FANCM: variants seen among roughly 807,000 people sequenced by gnomAD.
The protein encoded by FANCM is Fanconi anemia group M protein.
In FANCM, 140 loss-of-function variants were observed where a neutral mutation model predicts 199.5. The ratio of observed to expected loss-of-function variants is 0.70; its 90% CI spans 0.61 to 0.81. The LOEUF is 0.81. Ranked by LOEUF, FANCM falls within the 30% of genes least tolerant of loss-of-function variation. FANCM has a pLI of 0.00. For missense variants in FANCM, 2,410 were observed against 2,421.4 expected (o/e 1.00, Z 0.10); for synonymous variants, 840 against 836.8 (o/e 1.00, Z -0.07).
intron 2 of FANCM, among the ~76,000 whole-genome samples, chr14:45,138,588 T>C (rs1473591689): frequency 6.6e-6 from 1 of 152,140 alleles, no homozygotes; most frequent in Admixed American, 6.6e-5. Context: ...GGCAACATAG[T>C]GAGACCCTGT....
rs1594798282 is a variant in FANCM, at chr14:45,175,615, C to G, written c.2861C>G (p.Ser954Cys). Reference protein sequence around the residue: ...SGYNSFNDEKSVSSNLFLPFE... With the variant: ...SGYNSFNDEKCVSSNLFLPFE... ...TATAACAGTTTCAATGATGAAAAATCTGTTTCATCTAACTTATTTCTTCCA... is the reference window on the plus strand; with the variant it reads ...TATAACAGTTTCAATGATGAAAAATGTGTTTCATCTAACTTATTTCTTCCA... Residue 954 changes from serine (S) to cysteine (C), a missense_variant, in exon 14 of 23, where the codon TCT becomes TGT. Ser to Cys is a moderately radical substitution (Grantham distance 112). Transcript: ENST00000267430. 2 of 1,613,314 alleles carry G rather than the reference C, an allele frequency of 1.2e-6. No homozygotes were observed. Among genetic ancestry groups the G allele is most frequent in the African/African-American group, 2.7e-5 (2 of 75,024 alleles).
chr14:45,188,954 A>G lies in FANCM; in HGVS notation c.4932A>G (p.Arg1644=). 6.2e-7 allele frequency: 1 copy of G among 1,614,062 alleles called. No individual in the cohort carries two copies. Among genetic ancestry groups the G allele is most frequent in the Non-Finnish European group, 8.5e-7 (1 of 1,179,966 alleles). The part of the protein sequence containing the change: ...CFANSKKYKT[R]RAVMLKEMME... The stretch of plus-strand genomic sequence containing the variant: ...CAAATAGTAAAAAGTATAAAACTCG[A>G]CGTGCAGTAATGCTAAAAGAAATGA... The change falls in exon 20 of 23, where the codon CGA becomes CGG. Residue 1644 remains arginine, a synonymous_variant. Coordinates refer to ENST00000267430, the MANE Select transcript of FANCM (RefSeq NM_020937.4).
chr14:45,198,523 G>C, intron 21 of FANCM, 121 bp from the exon 22 acceptor site: 1 of 601,554 alleles, frequency 1.7e-6, no homozygotes, highest in East Asian at 2.9e-5. Context: ...CTCATTAGCA[G>C]AATGTGGCAC....
chr14:45,161,468 C>G (rs953720623), intron 9 of FANCM, among the ~76,000 whole-genome samples: 17 of 151,950 alleles, frequency 1.1e-4, no homozygotes, highest in Non-Finnish European at 2.2e-4. Flanking sequence ...AGAGGATGGT[C>G]TTAGCTCGGT....
chr14:45,181,689 G>T lies in FANCM; in HGVS notation c.4370G>T (p.Arg1457Ile). The T allele has an allele frequency of 1.2e-6, 2 of 1,608,834 alleles. No individual in the cohort carries two copies. The highest frequency in any genetic ancestry group is 1.7e-6 in the Non-Finnish European group (2 of 1,175,954). Residue 1457 changes from arginine (R) to isoleucine (I), a missense_variant, in exon 16 of 23, where the codon AGA becomes ATA. Coordinates refer to ENST00000267430, the MANE Select transcript of FANCM (RefSeq NM_020937.4). ...DSPLHAVKKRRFPINRSELSS... is the reference protein window; with the variant it reads ...DSPLHAVKKRIFPINRSELSS... ...CCACTTCATGCTGTCAAAAAGCGCA[G>T]ATTTCCTATAAACAGAGTAAGTAAA...
chr14:45,175,926 A>G lies in FANCM; in HGVS notation c.3172A>G (p.Asn1058Asp). The change falls in exon 14 of 23, where the codon AAT (asparagine) becomes GAT (aspartate). Residue 1058 changes from asparagine to aspartate, a missense_variant. Asn to Asp is a conservative substitution (Grantham distance 23). Coordinates refer to ENST00000267430, the MANE Select transcript of FANCM (RefSeq NM_020937.4). ...AGAATTGAATTCACTTAAATGTATA[A>G]ATTATCCATCTGAAAAAAGTTGCCT... is the stretch of plus-strand genomic sequence containing the variant. Reference protein sequence around the residue: ...NLELNSLKCINYPSEKSCLYD... With the variant: ...NLELNSLKCIDYPSEKSCLYD... 6.2e-7 allele frequency: 1 copy of G among 1,613,068 alleles called. No homozygotes were observed. Among genetic ancestry groups the G allele is most frequent in the Non-Finnish European group, 8.5e-7 (1 of 1,179,258 alleles).
Position 45,176,553 on chromosome 14 carries a change from A to C in FANCM, c.3799A>C (p.Lys1267Gln), listed in dbSNP as rs1888716067. The C allele has an allele frequency of 1.2e-6, 2 of 1,601,228 alleles. No individual in the cohort carries two copies. The highest frequency in any genetic ancestry group is 1.7e-6 in the Non-Finnish European group (2 of 1,173,490). Residue 1267 changes from lysine to glutamine, a missense_variant, in exon 14 of 23, where the codon AAG becomes CAG. Lys to Gln is a moderately conservative substitution (Grantham distance 53). Transcript: ENST00000267430. ...DDLYGRYLEIKEISDANYVSN... is the reference protein window; with the variant it reads ...DDLYGRYLEIQEISDANYVSN... ...TCTATATGGAAGGTATTTGGAAATT[A>C]AGGAGATAAGTGATGCAAATTATGT...
In FANCM at chr14:45,198,910, T is replaced by C; in HGVS notation, c.5983T>C (p.Ser1995Pro). 1 of 1,610,236 alleles carries C rather than the reference T, an allele frequency of 6.2e-7. No individual in the cohort carries two copies. The highest frequency in any genetic ancestry group is 8.5e-7 in the Non-Finnish European group (1 of 1,176,764). ...TGCATTAAATATGTGTCACCAGTTT[T>C]CATCTGTGAAAAGGATGGCTAACAG... ...ITALNMCHQFSSVKRMANSSL... is the reference protein window; with the variant it reads ...ITALNMCHQFPSVKRMANSSL... The change falls in exon 22 of 23, where the codon TCA becomes CCA. Residue 1995 changes from serine to proline, a missense_variant. Physicochemically the swap from Ser to Pro is moderately conservative, Grantham distance 74. Coordinates refer to ENST00000267430, the MANE Select transcript of FANCM (RefSeq NM_020937.4).
chr14:45,159,843 A>G (rs954607329), intron 9 of FANCM, among the ~76,000 whole-genome samples: 28 of 152,144 alleles, frequency 1.8e-4, no homozygotes, highest in African/African-American at 4.8e-4. Flanking sequence ...GAAATTTTAC[A>G]TTATTGATTT....
At chr14:45,191,479 C>G (rs1216085582) in intron 20 of FANCM, among the ~76,000 whole-genome samples, 2 of 152,170 alleles carry the variant, frequency 1.3e-5, no homozygotes, top group African/African-American at 2.4e-5. Flanking sequence ...CCTATTCACC[C>G]CCACACCACA....
intron 3 of FANCM, among the ~76,000 whole-genome samples, chr14:45,144,719 G>T (rs1886240939): frequency 1.3e-5 from 2 of 152,174 alleles, no homozygotes; most frequent in African/African-American, 2.4e-5. Context: ...CCAGGCCTGG[G>T]ACTCACCCTT....
At chr14:45,139,432 G>A (rs1378810785) in intron 2 of FANCM, among the ~76,000 whole-genome samples, 1 of 152,070 alleles carries the variant, frequency 6.6e-6, no homozygotes, top group Non-Finnish European at 1.5e-5. Context: ...TGGGAACTAT[G>A]GTATACTGAG....
intron 5 of FANCM, among the ~76,000 whole-genome samples, chr14:45,152,191 G>T (rs1240441003): frequency 6.6e-6 from 1 of 151,800 alleles, no homozygotes; most frequent in East Asian, 1.9e-4. Flanking sequence ...ACCACGCCTG[G>T]CTAATTTTTG....
chr14:45,174,365 C>T (rs1232290325), intron 13 of FANCM, among the ~76,000 whole-genome samples: 4 of 149,280 alleles, frequency 2.7e-5, no homozygotes, highest in East Asian at 2.0e-4. Flanking sequence ...CCAGCCTGGG[C>T]GACAGAGCGA....
intron 12 of FANCM, among the ~76,000 whole-genome samples, chr14:45,171,711 GTGTGTGTGTGTGCA>G (rs1202814896): frequency 6.9e-6 from 1 of 145,062 alleles, no homozygotes; most frequent in East Asian, 2.1e-4. Flanking sequence ...GTGTGTGTGT[GTGTGTGTGTGTGCA>G]TGTGTGTCAC....
intron 3 of FANCM, among the ~76,000 whole-genome samples, chr14:45,144,145 G>T (rs1886187938): frequency 1.3e-5 from 2 of 151,728 alleles, no homozygotes; most frequent in East Asian, 1.9e-4. Context: ...AGGCTAATGG[G>T]GTATCCATCA....
intron 12 of FANCM, 123 bp from the exon 13 acceptor site, chr14:45,172,932 G>T: frequency 1.5e-6 from 1 of 684,142 alleles, no homozygotes; most frequent in Non-Finnish European, 2.6e-6. Flanking sequence ...GATTTTAGTT[G>T]GGAGTATCTA....
Position 45,159,264 on chromosome 14 carries a change from A to G in FANCM, c.1565A>G (p.Gln522Arg), listed in dbSNP as rs371569048. ...GGGAAAAGCACGAAGGGTTTTACCC[A>G]GAAGGAGCAACTGGAGGTAATTATT... ...ASGKSTKGFTQKEQLEVVKQF... is the reference protein window; with the variant it reads ...ASGKSTKGFTRKEQLEVVKQF... Residue 522 changes from glutamine (Q) to arginine (R), a missense_variant, in exon 9 of 23, where the codon CAG (glutamine) becomes CGG (arginine). By Grantham distance (43) the Gln-to-Arg change is conservative. Coordinates refer to ENST00000267430, the MANE Select transcript of FANCM (RefSeq NM_020937.4). The G allele has an allele frequency of 1.1e-5, 18 of 1,612,338 alleles. No individual in the cohort carries two copies. Among genetic ancestry groups the G allele is most frequent in the Non-Finnish European group, 1.5e-5 (18 of 1,178,774 alleles).
intron 3 of FANCM, among the ~76,000 whole-genome samples, chr14:45,145,853 A>G (rs900591834): frequency 1.3e-5 from 2 of 151,760 alleles, no homozygotes; most frequent in African/African-American, 2.4e-5. Flanking sequence ...AGGTCAGGAG[A>G]TCGAGACCAT....
Sources: gnomAD v4.1 joint callset for allele counts (sites outside exome capture counted in the v4.1 genomes callset) on GRCh38, gnomAD v4.1.1 for gene constraint, MANE v1.5 for transcripts, NCBI Gene and HGNC (gene_info 2026-07-23, HGNC 2026-07-21) for gene names.